POLN: variants seen among roughly 807,000 people sequenced by gnomAD.
POLN encodes the protein DNA polymerase N.
A neutral mutation model predicts 113.5 loss-of-function variants in POLN; 108 were observed. The observed-to-expected ratio is 0.95, with a 90% CI of 0.81 to 1.12. The LOEUF is 1.12. Among genes scored for constraint, POLN ranks in the 50% most tolerant of loss-of-function variants. The probability of loss-of-function intolerance (pLI) is 0.00; values close to 1 mark genes in which losing one functional copy is unlikely to be tolerated. For synonymous variants in POLN, 386 were observed against 391.5 expected (o/e 0.99, Z 0.17); for missense variants, 1,097 against 1,077.1 (o/e 1.02, Z -0.26).
intron 7 of POLN, among the ~76,000 whole-genome samples, chr4:2,186,715 A>G (rs751733339): frequency 1.2e-4 from 18 of 152,360 alleles, no homozygotes; most frequent in Non-Finnish European, 2.2e-4. Context: ...ATAGACGTAC[A>G]TTCACAAGAA....
chr4:2,225,537 G>C (rs1372176335), intron 3 of POLN, among the ~76,000 whole-genome samples: 1 of 151,182 alleles, frequency 6.6e-6, no homozygotes, highest in Non-Finnish European at 1.5e-5. Flanking sequence ...TTGGGTGACA[G>C]AGCAAGACTC....
intron 21 of POLN, among the ~76,000 whole-genome samples, chr4:2,083,715 C>T (rs1730484577): frequency 6.6e-6 from 1 of 152,246 alleles, no homozygotes; most frequent in Non-Finnish European, 1.5e-5. Flanking sequence ...ACACCACACA[C>T]AGAGAAAGCA....
In POLN at chr4:2,127,695, G is replaced by C. The variant is rs1731619105; in HGVS notation, c.1982+418C>G. ...ATTCTCTGTGAGTGTAAGCCACTCA[G>C]GCAGGATCTTTCACCCGCAGCTCAA... On this transcript the variant is annotated intron_variant, in intron 19 of 25. Transcript: ENST00000511885. This position sits in a 1 kb window ranked among gnomAD's most constrained non-coding sequence, Gnocchi z 4.7. 6.6e-6 allele frequency among the ~76,000 whole-genome samples: 1 copy of C among 152,118 alleles called. No individual in the cohort carries two copies. Among genetic ancestry groups the C allele is most frequent in the East Asian group, 1.9e-4 (1 of 5,184 alleles).
intron 13 of POLN, among the ~76,000 whole-genome samples, chr4:2,161,659 G>A (rs551946011): frequency 2.6e-5 from 4 of 152,354 alleles, no homozygotes; most frequent in East Asian, 3.9e-4. Flanking sequence ...GCGGGCGCAC[G>A]GCACCGGGAC....
intron 16 of POLN, among the ~76,000 whole-genome samples, chr4:2,138,862 C>A (rs1396000976): frequency 6.6e-6 from 1 of 151,482 alleles, no homozygotes; most frequent in Non-Finnish European, 1.5e-5. Flanking sequence ...CCACTGCACT[C>A]CAGCCTGGGC....
At position 2,072,330 on chromosome 4, in the gene POLN, G is replaced by A. The variant is rs557449713; in HGVS notation, c.2518-31C>T. 14 of 1,482,384 alleles carry A rather than the reference G, an allele frequency of 9.4e-6. No individual in the cohort carries two copies. In the South Asian group the frequency reaches 1.4e-4, roughly 15 times the overall value. The allele number at this position is 1,482,384 out of a possible 1,614,324, so 91.8% of individuals were successfully genotyped here. On this transcript the variant is annotated intron_variant, in intron 25 of 25. Coordinates refer to ENST00000511885, the MANE Select transcript of POLN (RefSeq NM_181808.4). ...GGTGGCAGCCAGAGGTGAGCCCCACGCCTGGGCCAGCCACCCCCAGCCACC... is the reference window on the plus strand; with the variant it reads ...GGTGGCAGCCAGAGGTGAGCCCCACACCTGGGCCAGCCACCCCCAGCCACC...
rs768527117 is a variant in POLN at position 2,231,980 on chromosome 4, C to T, written c.-12-2737G>A. 6.7e-7 allele frequency: 1 copy of T among 1,482,922 alleles called. No individual in the cohort carries two copies. The highest frequency in any genetic ancestry group is 2.3e-5 in the East Asian group (1 of 43,754). The allele number at this position is 1,482,922 out of a possible 1,614,324, so 91.9% of individuals were successfully genotyped here. A position where few individuals can be genotyped will look rare whatever the true frequency, so the allele number is the denominator to read the frequency against. On this transcript the variant is annotated intron_variant, in intron 2 of 25. Coordinates refer to ENST00000511885, the MANE Select transcript of POLN (RefSeq NM_181808.4). ...TTTGATTGAGTTTCTAAATTCTCCA[C>T]AATATCTTTCAGATAATCTTCATCT... is the stretch of plus-strand genomic sequence containing the variant.
rs200009127 is a variant in POLN, at chr4:2,081,050, G to A, written c.2309-14C>T. 3.2e-5 allele frequency: 52 copies of A among 1,613,430 alleles called. 1 individual carries two copies. The East Asian group carries it at 1.1e-3, about 35-fold the overall frequency. ...CAGCAGCGGAGCCTATGGGGCGCGT[G>A]GTACTGTCTTGAGGTCCCATGGCAC... On this transcript the variant is annotated splice_polypyrimidine_tract_variant and intron_variant, in intron 22 of 25. Coordinates refer to ENST00000511885, the MANE Select transcript of POLN (RefSeq NM_181808.4).
At chr4:2,187,830 G>A (rs1577753452) in intron 7 of POLN, among the ~76,000 whole-genome samples, 2 of 152,170 alleles carry the variant, frequency 1.3e-5, no homozygotes, top group East Asian at 3.8e-4. Context: ...AAAGACAACT[G>A]CCAGGCTTGG....
At chr4:2,156,754 G>A (rs1353033720) in intron 16 of POLN, 34 bp downstream of exon 16, 2 of 1,562,298 alleles carry the variant, frequency 1.3e-6, no homozygotes, top group Admixed American at 3.3e-5. Context: ...CAGGAAAATG[G>A]CGTTTAACAA....
chr4:2,164,187 C>T (rs187266401), intron 13 of POLN, among the ~76,000 whole-genome samples: 60 of 152,232 alleles, frequency 3.9e-4, no homozygotes, highest in Non-Finnish European at 8.2e-4. Context: ...AATGAGTATC[C>T]CCCATTCTCC....
rs571101574 is a variant in POLN, at chr4:2,088,425, T to C, written c.2066-2681A>G. On this transcript the variant is annotated intron_variant, in intron 20 of 25. Coordinates refer to ENST00000511885, the MANE Select transcript of POLN (RefSeq NM_181808.4). ...ATCATAAAAAACATAGAAAGTTGAA[T>C]GCTTCAAACAAAAATATCTGAGGTC... Among the ~76,000 whole-genome samples the C allele has an allele frequency of 3.3e-5, 5 of 152,298 alleles. No homozygotes were observed. The South Asian group carries it at 1.0e-3, about 32-fold the overall frequency.
In POLN at chr4:2,110,587, T is replaced by C. The variant is rs1336565342; in HGVS notation, c.1983-14654A>G. ...CCACCGATCCCACAGAAATACAAACTACCATCAGAGAATACTATAAACACC... is the reference window on the plus strand; with the variant it reads ...CCACCGATCCCACAGAAATACAAACCACCATCAGAGAATACTATAAACACC... On this transcript the variant is annotated intron_variant, in intron 19 of 25. Coordinates refer to ENST00000511885, the MANE Select transcript of POLN (RefSeq NM_181808.4). 2.0e-5 allele frequency among the ~76,000 whole-genome samples: 3 copies of C among 152,204 alleles called. No homozygotes were observed. In the East Asian group the frequency reaches 5.8e-4, roughly 29 times the overall value.
chr4:2,149,177 C>A (rs1374760699), intron 16 of POLN, among the ~76,000 whole-genome samples: 2 of 152,016 alleles, frequency 1.3e-5, no homozygotes, highest in Non-Finnish European at 2.9e-5. Flanking sequence ...GCCTGTAGTC[C>A]CAGCTACTTG....
At chr4:2,199,264 C>T (rs117251460) in intron 5 of POLN, among the ~76,000 whole-genome samples, 1 of 151,866 alleles carries the variant, frequency 6.6e-6, no homozygotes, top group Non-Finnish European at 1.5e-5. Context: ...CTATAAAATG[C>T]TGATGAAAGA....
At position 2,093,453 on chromosome 4, in the gene POLN, G is replaced by A. The variant is rs1730712237; in HGVS notation, c.2065+2398C>T. Among the ~76,000 whole-genome samples, 1 of 152,224 alleles carries A rather than the reference G, an allele frequency of 6.6e-6. No homozygotes were observed. The highest frequency in any genetic ancestry group is 2.1e-4 in the South Asian group (1 of 4,834). On this transcript the variant is annotated intron_variant, in intron 20 of 25. Coordinates refer to ENST00000511885, the MANE Select transcript of POLN (RefSeq NM_181808.4). This position sits in a 1 kb window ranked among gnomAD's most constrained non-coding sequence, Gnocchi z 4.1. ...ACCCTATGAGAGCATTTTCCCAGGAGGAGATGGCACAGGGAGGCGGAGGGC... is the reference window on the plus strand; with the variant it reads ...ACCCTATGAGAGCATTTTCCCAGGAAGAGATGGCACAGGGAGGCGGAGGGC...
chr4:2,131,092 G>A (rs1224658068), intron 17 of POLN, 141 bp downstream of exon 17: 1 of 564,004 alleles, frequency 1.8e-6, no homozygotes, highest in East Asian at 3.2e-5. Context: ...GATTGAGGTG[G>A]GAGAATCACC....
intron 19 of POLN, among the ~76,000 whole-genome samples, chr4:2,119,034 C>T (rs1288606394): frequency 6.6e-6 from 1 of 152,216 alleles, no homozygotes; most frequent in Non-Finnish European, 1.5e-5. Context: ...GCACCATCTT[C>T]CCTGGACAGG....
At position 2,208,156 on chromosome 4, in the gene POLN, T is replaced by C; in HGVS notation, c.545A>G (p.Glu182Gly). 15 of 1,614,206 alleles carry C rather than the reference T, an allele frequency of 9.3e-6. No homozygotes were observed. Among genetic ancestry groups the C allele is most frequent in the Non-Finnish European group, 1.3e-5 (15 of 1,180,024 alleles). Residue 182 changes from glutamate (E) to glycine (G), a missense_variant, in exon 5 of 26, where the codon GAA (glutamate) becomes GGA (glycine). Physicochemically the swap from Glu to Gly is moderately conservative, Grantham distance 98 (BLOSUM62 -2). Transcript: ENST00000511885. ...MALEEDTDDA[E>G]GYLNSGNSGA... ...TGAGTTCCCAGAATTTAGGTAGCCT[T>C]CGGCGTCATCAGTATCTTCTTCCAA...
Sources: allele counts gnomAD v4.1 joint callset (sites outside exome capture counted in the v4.1 genomes callset), GRCh38; gene constraint gnomAD v4.1.1; non-coding constraint Gnocchi (gnomAD v3.1); transcripts MANE v1.5; gene names NCBI Gene and HGNC (gene_info 2026-07-23, HGNC 2026-07-21).